The following DLGAP1 variants were observed in gnomAD, a reference collection of about 807,000 sequenced individuals.
DLGAP1 encodes the protein DLG associated protein 1.
In DLGAP1, 11 loss-of-function variants were observed where a neutral mutation model predicts 90.8. The observed-to-expected ratio is 0.12, with a 90% confidence interval of 0.08 to 0.20. DLGAP1 has a LOEUF of 0.20. Among genes scored for constraint, DLGAP1 ranks in the 10% least tolerant of loss-of-function variants. The probability of loss-of-function intolerance (pLI) is 1.00; values close to 1 mark genes in which losing one functional copy is unlikely to be tolerated. For synonymous variants in DLGAP1, 558 were observed against 540.7 expected (o/e 1.03, Z -0.44); for missense variants, 1,050 against 1,333.8 (o/e 0.79, Z 3.31).
intron 3 of DLGAP1, among the ~76,000 whole-genome samples, chr18:3,895,280 T>TACACACACACACACAC (rs35493688): frequency 8.0e-5 from 11 of 137,366 alleles, no homozygotes; most frequent in South Asian, 5.1e-4. Flanking sequence ...GGATGTTTAT[T>TACACACACACACACAC]ACACACACAC....
intron 5 of DLGAP1, among the ~76,000 whole-genome samples, chr18:3,767,960 T>C (rs965278596): frequency 6.6e-6 from 1 of 152,078 alleles, no homozygotes; most frequent in African/African-American, 2.4e-5. Context: ...GAAAGGAACC[T>C]AGTTCACCTA....
At chr18:3,678,914 AT>A (rs1818653737) in intron 7 of DLGAP1, among the ~76,000 whole-genome samples, 3 of 152,220 alleles carry the variant, frequency 2.0e-5, no homozygotes, top group Non-Finnish European at 2.9e-5. Context: ...TTGGGGGGAA[AT>A]TCTTAGCTCA....
chr18:3,753,188 C>A (rs1336455625), intron 5 of DLGAP1, among the ~76,000 whole-genome samples: 2 of 152,108 alleles, frequency 1.3e-5, no homozygotes, highest in Admixed American at 1.3e-4. Flanking sequence ...ACTCATTTAT[C>A]CAAGAAAAAC....
intron 3 of DLGAP1, among the ~76,000 whole-genome samples, chr18:3,932,636 C>T (rs540054186): frequency 5.9e-4 from 89 of 152,066 alleles, no homozygotes; most frequent in African/African-American, 2.0e-3. Context: ...TGGAGGAGTC[C>T]GGCCTGGTCT....
intron 1 of DLGAP1, among the ~76,000 whole-genome samples, chr18:4,188,799 A>C (rs2077345126): frequency 6.6e-6 from 1 of 152,176 alleles, no homozygotes; most frequent in South Asian, 2.1e-4. Context: ...TCTTTATAGT[A>C]GAATGGTTTA....
At chr18:4,137,702 G>T (rs187370709) in intron 2 of DLGAP1, among the ~76,000 whole-genome samples, 1 of 152,112 alleles carries the variant, frequency 6.6e-6, no homozygotes, top group Non-Finnish European at 1.5e-5. Flanking sequence ...CACTGAGTCC[G>T]TAGATTGCTT....
intron 2 of DLGAP1, among the ~76,000 whole-genome samples, chr18:4,102,079 T>C (rs1400610469): frequency 6.6e-6 from 1 of 152,148 alleles, no homozygotes; most frequent in African/African-American, 2.4e-5. Flanking sequence ...AAAGGACTGC[T>C]TTAACATATA....
At chr18:3,752,813 A>G (rs76525890) in intron 5 of DLGAP1, among the ~76,000 whole-genome samples, 1,760 of 151,898 alleles carry the variant, frequency 0.012, 37 homozygotes, top group African/African-American at 0.039. Context: ...ATCCAGCCCT[A>G]GCATGATGTT....
intron 3 of DLGAP1, among the ~76,000 whole-genome samples, chr18:3,911,141 G>T (rs1161899881): frequency 1.3e-5 from 2 of 152,166 alleles, no homozygotes; most frequent in Non-Finnish European, 2.9e-5. Context: ...TCTCCCTGAG[G>T]ACAAAAGCGT....
At position 4,007,439 on chromosome 18, in the gene DLGAP1, G is replaced by A. The variant is rs572755447; in HGVS notation, c.-158-2238C>T. Among the ~76,000 whole-genome samples the A allele has an allele frequency of 3.1e-4, 47 of 152,260 alleles. 3 individuals are homozygous for A. The South Asian group carries it at 3.9e-3, about 13-fold the overall frequency. Reference sequence around the variant, plus strand: ...GGAGGCAGAGGCCGGCAGATTACCTGAGGTCAGGAGTTCAAGACCAGCCTG... The same window carrying A: ...GGAGGCAGAGGCCGGCAGATTACCTAAGGTCAGGAGTTCAAGACCAGCCTG... On this transcript the variant is annotated intron_variant, in intron 2 of 12. Coordinates refer to ENST00000315677, the MANE Select transcript of DLGAP1 (RefSeq NM_004746.4).
At chr18:3,807,559 C>G (rs545425628) in intron 5 of DLGAP1, among the ~76,000 whole-genome samples, 3 of 152,198 alleles carry the variant, frequency 2.0e-5, no homozygotes, top group African/African-American at 7.2e-5. Flanking sequence ...CACTTAGAAC[C>G]TTGTTAAAAT....
chr18:4,162,972 TTGTCTTCCATGA>T (rs2076872074), intron 1 of DLGAP1, among the ~76,000 whole-genome samples: 1 of 152,178 alleles, frequency 6.6e-6, no homozygotes, highest in Non-Finnish European at 1.5e-5. Flanking sequence ...GTACTCTTTG[TTGTCTTCCATGA>T]TGTTAAATGC....
At chr18:4,086,596 T>C (rs950352149) in intron 2 of DLGAP1, among the ~76,000 whole-genome samples, 3 of 152,176 alleles carry the variant, frequency 2.0e-5, no homozygotes, top group Non-Finnish European at 4.4e-5. Flanking sequence ...TTTTAAGATA[T>C]TAGGAAATTT....
chr18:4,333,250 TGGCCTCACTTACA>T (rs2080989074), intron 1 of DLGAP1, among the ~76,000 whole-genome samples: 1 of 151,190 alleles, frequency 6.6e-6, no homozygotes, highest in Non-Finnish European at 1.5e-5. Context: ...TCATCCCAGA[TGGCCTCACTTACA>T]GGTTTACGGC....
chr18:3,767,443 AC>A (rs2147973218), intron 5 of DLGAP1, among the ~76,000 whole-genome samples: 1 of 152,200 alleles, frequency 6.6e-6, no homozygotes, highest in Admixed American at 6.5e-5. Flanking sequence ...GCAGAAAAAG[AC>A]AGTACAAAAA....
At chr18:4,235,029 G>A (rs1421923558) in intron 1 of DLGAP1, among the ~76,000 whole-genome samples, 1 of 151,936 alleles carries the variant, frequency 6.6e-6, no homozygotes, top group Non-Finnish European at 1.5e-5. Flanking sequence ...TACTTCATTT[G>A]TGAAGCTTCC....
intron 2 of DLGAP1, among the ~76,000 whole-genome samples, chr18:4,057,594 G>A (rs1226356157): frequency 3.3e-5 from 5 of 152,200 alleles, no homozygotes; most frequent in African/African-American, 1.2e-4. Flanking sequence ...CCTCTTCCAA[G>A]TGTACTTTAC....
intron 6 of DLGAP1, among the ~76,000 whole-genome samples, chr18:3,741,088 T>TCAC (rs1568048256): frequency 2.2e-5 from 1 of 45,818 alleles, no homozygotes; most frequent in Non-Finnish European, 3.8e-5. Flanking sequence ...ACCATCACCA[T>TCAC]CACCACCACC....
chr18:4,154,970 C>T (rs1460969399), intron 1 of DLGAP1, among the ~76,000 whole-genome samples: 5 of 152,016 alleles, frequency 3.3e-5, no homozygotes, highest in African/African-American at 1.2e-4. Flanking sequence ...AATTATAGAG[C>T]AGTTCAGAAG....
Sources: allele counts gnomAD v4.1 joint callset (sites outside exome capture counted in the v4.1 genomes callset), GRCh38; gene constraint gnomAD v4.1.1; transcripts MANE v1.5; gene names NCBI Gene and HGNC (gene_info 2026-07-23, HGNC 2026-07-21).